KCNK9: variants seen among roughly 807,000 people sequenced by gnomAD.
The protein encoded by KCNK9 is potassium channel subfamily K member 9.
In KCNK9, 1 loss-of-function variant was observed where a neutral mutation model predicts 10.8. That is an observed-to-expected ratio of 0.09 (90% CI 0.03 to 0.44). The LOEUF is 0.44. KCNK9 is among the 20% of genes least tolerant of loss of function. KCNK9 has a pLI of 0.97. For missense variants in KCNK9, 303 were observed against 515.0 expected (o/e 0.59, Z 3.98); for synonymous variants, 231 against 222.7 (o/e 1.04, Z -0.33).
chr8:139,626,796 G>C (rs1345792837), intron 1 of KCNK9, among the ~76,000 whole-genome samples: 1 of 152,232 alleles, frequency 6.6e-6, no homozygotes, highest in Non-Finnish European at 1.5e-5. Flanking sequence ...GTTTGTGCCG[G>C]TAAGAATTAA....
At chr8:139,602,322 G>A (rs1289075035) in intron 2 of KCNK9, among the ~76,000 whole-genome samples, 3 of 152,192 alleles carry the variant, frequency 2.0e-5, no homozygotes, top group Non-Finnish European at 4.4e-5. Context: ...GGGGAAAACG[G>A]ATTGATCAGA....
chr8:139,688,750 T>C (rs1169271567), intron 1 of KCNK9, among the ~76,000 whole-genome samples: 1 of 152,240 alleles, frequency 6.6e-6, no homozygotes, highest in Non-Finnish European at 1.5e-5. Context: ...CAAAGTCTTC[T>C]TGACCATAGT....
intron 1 of KCNK9, among the ~76,000 whole-genome samples, chr8:139,620,421 AG>A (rs1814741590): frequency 6.6e-6 from 1 of 152,122 alleles, no homozygotes; most frequent in Non-Finnish European, 1.5e-5. Flanking sequence ...AATTGTTCTT[AG>A]GTGGCGTTGT....
chr8:139,683,989 T>G (rs977912291), intron 1 of KCNK9, among the ~76,000 whole-genome samples: 1 of 152,210 alleles, frequency 6.6e-6, no homozygotes, highest in African/African-American at 2.4e-5. Flanking sequence ...TCCTTCTTCC[T>G]GCCTGGAACA....
intron 1 of KCNK9, among the ~76,000 whole-genome samples, chr8:139,688,213 G>A (rs1210257173): frequency 1.3e-5 from 2 of 152,182 alleles, no homozygotes; most frequent in African/African-American, 2.4e-5. Flanking sequence ...CTGTACCCCA[G>A]CTAATAAAAG....
At chr8:139,614,765 G>T (rs1002272316), downstream of KCNK9, among the ~76,000 whole-genome samples, 5 of 152,230 alleles carry the variant, frequency 3.3e-5, no homozygotes, top group African/African-American at 1.2e-4. Flanking sequence ...GCCCCCAGGG[G>T]TCTTAGAGAT....
chr8:139,695,888 G>A (rs1817037895), intron 1 of KCNK9, among the ~76,000 whole-genome samples: 1 of 152,170 alleles, frequency 6.6e-6, no homozygotes, highest in Non-Finnish European at 1.5e-5. Flanking sequence ...GCTACAGTCT[G>A]AGTCAGAGGG....
intron 2 of KCNK9, among the ~76,000 whole-genome samples, chr8:139,605,551 T>C (rs1210172073): frequency 6.6e-6 from 1 of 152,188 alleles, no homozygotes; most frequent in Admixed American, 6.5e-5. Flanking sequence ...TTTCAGAATG[T>C]GGTTTACAGG....
At chr8:139,632,446 G>A (rs904339716) in intron 1 of KCNK9, among the ~76,000 whole-genome samples, 1 of 152,202 alleles carries the variant, frequency 6.6e-6, no homozygotes, top group African/African-American at 2.4e-5. Flanking sequence ...AGCAACAGAA[G>A]CAGGTGGGTT....
intron 1 of KCNK9, among the ~76,000 whole-genome samples, chr8:139,686,999 C>T (rs1162896164): frequency 2.6e-5 from 4 of 151,584 alleles, no homozygotes; most frequent in Admixed American, 2.6e-4. Flanking sequence ...AATAAATAAA[C>T]CTAAAGAATG....
At chr8:139,636,014 C>T (rs1332464937) in intron 1 of KCNK9, among the ~76,000 whole-genome samples, 1 of 152,120 alleles carries the variant, frequency 6.6e-6, no homozygotes, top group African/African-American at 2.4e-5. Context: ...TCCGTTAGAC[C>T]CCCGTTTATG....
intron 1 of KCNK9, among the ~76,000 whole-genome samples, chr8:139,700,161 T>C (rs1342351147): frequency 6.6e-6 from 1 of 152,216 alleles, no homozygotes; most frequent in Non-Finnish European, 1.5e-5. Context: ...AACAGCTTCT[T>C]AGGGCAGAGA....
At chr8:139,691,520 A>T (rs959588257) in intron 1 of KCNK9, among the ~76,000 whole-genome samples, 8 of 152,160 alleles carry the variant, frequency 5.3e-5, no homozygotes, top group African/African-American at 1.7e-4. Flanking sequence ...TGCTGATCCC[A>T]CTACAGCCAG....
At chr8:139,694,789 T>C (rs562677558) in intron 1 of KCNK9, among the ~76,000 whole-genome samples, 43 of 151,888 alleles carry the variant, frequency 2.8e-4, no homozygotes, top group Admixed American at 2.0e-3. Flanking sequence ...CAAGTTCTGA[T>C]AAGGATGAGG....
chr8:139,629,151 C>T (rs187849915), intron 1 of KCNK9, among the ~76,000 whole-genome samples: 2 of 152,366 alleles, frequency 1.3e-5, no homozygotes, highest in East Asian at 1.9e-4. Context: ...AAGGCTGAGC[C>T]TCGATACACA....
chr8:139,616,451 CCT>C (rs1361526643), downstream of KCNK9: 2 of 152,186 alleles, frequency 1.3e-5, no homozygotes, highest in African/African-American at 4.8e-5. Flanking sequence ...CTTCGAAGGC[CCT>C]GTGTCCTGGA....
chr8:139,681,148 G>A (rs1394501950), intron 1 of KCNK9, among the ~76,000 whole-genome samples: 6 of 152,162 alleles, frequency 3.9e-5, no homozygotes, highest in Non-Finnish European at 8.8e-5. Context: ...TTCCACATGT[G>A]ATCCCATGTA....
intron 1 of KCNK9, among the ~76,000 whole-genome samples, chr8:139,621,077 G>T (rs2130111450): frequency 6.6e-6 from 1 of 152,266 alleles, no homozygotes; most frequent in South Asian, 2.1e-4. Flanking sequence ...GAGGCCAGGA[G>T]TTTGAGACCA....
chr8:139,690,665 A>G (rs1816917457), intron 1 of KCNK9, among the ~76,000 whole-genome samples: 1 of 152,134 alleles, frequency 6.6e-6, no homozygotes. Flanking sequence ...TCTTAATTCC[A>G]GGCAGAGGGA....
Sources: allele counts gnomAD v4.1 joint callset (sites outside exome capture counted in the v4.1 genomes callset), GRCh38; gene constraint gnomAD v4.1.1; transcripts MANE v1.5; gene names NCBI Gene and HGNC (gene_info 2026-07-23, HGNC 2026-07-21).